The following FBXW4 variants were observed in gnomAD, a reference collection of about 807,000 sequenced individuals.
FBXW4 encodes F-box and WD repeat domain containing 4, also known as F-box/WD repeat-containing protein 4.
FBXW4 carries 40 observed loss-of-function variants against 61.8 expected under a neutral mutation model. The ratio of observed to expected loss-of-function variants is 0.65; its 90% CI spans 0.50 to 0.84. The LOEUF is 0.84. Ranked by LOEUF, FBXW4 falls within the 40% of genes least tolerant of loss-of-function variation. FBXW4 has a pLI of 0.00. For synonymous variants in FBXW4, 311 were observed against 313.8 expected (o/e 0.99, Z 0.10); for missense variants, 672 against 753.8 (o/e 0.89, Z 1.27).
Position 101,694,646 on chromosome 10 carries a change from C to A in FBXW4, c.460G>T (p.Val154Leu), listed in dbSNP as rs1165150216. ...QAWADIAGTG[V>L]AMAAAAGEEE... is the part of the protein sequence containing the mutation. The stretch of plus-strand genomic sequence containing the variant: ...TCCCCGGCCGCCGCCGCCATGGCCA[C>A]CCCTGTCCCCGCGATGTCGGCCCAA... The change falls in exon 1 of 9, where the codon GTG (valine) becomes TTG (leucine). Residue 154 changes from valine to leucine, a missense_variant. Transcript: ENST00000331272. The surrounding 1 kb of genome is among the most constrained non-coding windows in gnomAD (Gnocchi z 6.0). The A allele has an allele frequency of 1.4e-6, 2 of 1,416,176 alleles. No homozygotes were observed. Among genetic ancestry groups the A allele is most frequent in the South Asian group, 3.1e-5 (2 of 65,556 alleles). 87.7% of individuals were successfully genotyped at this position (1,416,176 alleles called of 1,614,324 possible). A position where few individuals can be genotyped will look rare whatever the true frequency, so the allele number is the denominator to read the frequency against.
intron 6 of FBXW4, among the ~76,000 whole-genome samples, chr10:101,617,947 C>T (rs1349499542): frequency 6.6e-6 from 1 of 152,194 alleles, no homozygotes; most frequent in African/African-American, 2.4e-5. Flanking sequence ...AAGGGAGGTA[C>T]TTTAAAGAGG....
chr10:101,622,320 T>A (rs1167610573), intron 6 of FBXW4, among the ~76,000 whole-genome samples: 1 of 152,140 alleles, frequency 6.6e-6, no homozygotes, highest in Non-Finnish European at 1.5e-5. Context: ...TAGGGCAAGG[T>A]GAAGAGTTCT....
chr10:101,658,540 G>A (rs191010411), intron 5 of FBXW4, among the ~76,000 whole-genome samples: 4 of 152,272 alleles, frequency 2.6e-5, no homozygotes, highest in South Asian at 2.1e-4. Context: ...GCAAGACTTC[G>A]TCTGGGTGGC....
At chr10:101,676,033 T>C (rs1168010854) in intron 2 of FBXW4, among the ~76,000 whole-genome samples, 1 of 152,260 alleles carries the variant, frequency 6.6e-6, no homozygotes, top group Non-Finnish European at 1.5e-5. Context: ...AGGTTACCTC[T>C]GAGTGGTGGA....
At chr10:101,625,193 C>A in intron 5 of FBXW4, 1 of 231,758 alleles carries the variant, frequency 4.3e-6, no homozygotes, top group South Asian at 6.4e-5. Flanking sequence ...GAAAAGGGCT[C>A]CAGGGAACAG....
At chr10:101,635,431 C>A (rs893932675) in intron 5 of FBXW4, among the ~76,000 whole-genome samples, 1 of 150,742 alleles carries the variant, frequency 6.6e-6, no homozygotes, top group South Asian at 2.1e-4. Flanking sequence ...CTCCCACCCC[C>A]GAGGCTATGG....
At chr10:101,649,511 G>T (rs1026352662) in intron 5 of FBXW4, among the ~76,000 whole-genome samples, 1 of 152,236 alleles carries the variant, frequency 6.6e-6, no homozygotes, top group Non-Finnish European at 1.5e-5. Context: ...AAAAAGGAGG[G>T]GTGGGTATTG....
chr10:101,673,122 C>G, intron 3 of FBXW4, 75 bp from the exon 4 acceptor site: 1 of 1,544,702 alleles, frequency 6.5e-7, no homozygotes. Flanking sequence ...TCTCCAGAAA[C>G]AGCCCAAGTC....
Position 101,624,725 on chromosome 10 carries a change from T to G in FBXW4, c.1301+20A>C. ...TCACCTCCTGGACTGGAAGCCAGCA[T>G]GGGCTCATGAATCTCTTACCTGTTG... On this transcript the variant is annotated intron_variant, in intron 6 of 8. Coordinates refer to ENST00000331272, the MANE Select transcript of FBXW4 (RefSeq NM_022039.4). 6.2e-7 allele frequency: 1 copy of G among 1,613,980 alleles called. No individual in the cohort carries two copies. The highest frequency in any genetic ancestry group is 8.5e-7 in the Non-Finnish European group (1 of 1,179,826).
intron 5 of FBXW4, among the ~76,000 whole-genome samples, chr10:101,638,173 G>T (rs1411805792): frequency 6.6e-6 from 1 of 152,190 alleles, no homozygotes; most frequent in Non-Finnish European, 1.5e-5. Context: ...CCAAAGGACT[G>T]TTTGTAACAG....
intron 6 of FBXW4, among the ~76,000 whole-genome samples, chr10:101,613,343 G>A (rs188388878): frequency 2.3e-4 from 35 of 152,354 alleles, no homozygotes; most frequent in Non-Finnish European, 3.1e-4. Context: ...CTGCAGCCAG[G>A]GGATGGGTGC....
intron 5 of FBXW4, among the ~76,000 whole-genome samples, chr10:101,640,822 C>T (rs1387129877): frequency 6.8e-6 from 1 of 146,156 alleles, no homozygotes; most frequent in Non-Finnish European, 1.5e-5. Context: ...AACCTAGACT[C>T]TTCCTTCCCC....
At chr10:101,650,192 C>G (rs1404355724) in intron 5 of FBXW4, among the ~76,000 whole-genome samples, 1 of 152,192 alleles carries the variant, frequency 6.6e-6, no homozygotes, top group Non-Finnish European at 1.5e-5. Context: ...CTTGGTGGCT[C>G]TACCTGTGAC....
intron 2 of FBXW4, 70 bp from the exon 3 acceptor site, chr10:101,673,743 A>C: frequency 6.9e-7 from 1 of 1,450,052 alleles, no homozygotes. Context: ...CAATCTTTGA[A>C]GAAGCTGACC....
chr10:101,611,252 C>T lies in FBXW4; in HGVS notation c.*39G>A. 6.2e-7 allele frequency: 1 copy of T among 1,602,966 alleles called. No individual in the cohort carries two copies. The highest frequency in any genetic ancestry group is 8.5e-7 in the Non-Finnish European group (1 of 1,175,100). On this transcript the variant is annotated 3_prime_UTR_variant, in exon 9 of 9. Transcript: ENST00000331272. This position sits in a 1 kb window ranked among gnomAD's most constrained non-coding sequence, Gnocchi z 4.9. ...CCAGGCAAGAGAAGTCCCTGAGTAG[C>T]TGGTTTCCCTGGCCCAGAGGCAGGG...
At position 101,611,320 on chromosome 10, in the gene FBXW4, G is replaced by A. The variant is rs142121812; in HGVS notation, c.1675C>T (p.Leu559Phe). ...GGGTTTTGAAAATCCAGGACGTGGAGGTTGTAAGACAGGGCAGCATAGAGA... is the reference window on the plus strand; with the variant it reads ...GGGTTTTGAAAATCCAGGACGTGGAAGTTGTAAGACAGGGCAGCATAGAGA... ...KHLYAALSYN[L>F]HVLDFQNP is the part of the protein sequence containing the mutation. The change falls in exon 9 of 9, where the codon CTC becomes TTC. Residue 559 changes from leucine (L) to phenylalanine (F), a missense_variant. Around this residue, in one of 5 missense-constraint regions of FBXW4, gnomAD observed 312 missense variants for 370.1 expected, o/e 0.84. Coordinates refer to ENST00000331272, the MANE Select transcript of FBXW4 (RefSeq NM_022039.4). The surrounding 1 kb of genome is among the most constrained non-coding windows in gnomAD (Gnocchi z 4.9). 2.9e-5 allele frequency: 47 copies of A among 1,614,032 alleles called. No individual in the cohort carries two copies. Among genetic ancestry groups the A allele is most frequent in the Non-Finnish European group, 3.8e-5 (45 of 1,180,028 alleles).
chr10:101,678,933 GA>G (rs2064444927), intron 1 of FBXW4, among the ~76,000 whole-genome samples: 1 of 144,378 alleles, frequency 6.9e-6, no homozygotes, highest in Non-Finnish European at 1.5e-5. Context: ...TATTCATATA[GA>G]ATAATTATTT....
intron 5 of FBXW4, among the ~76,000 whole-genome samples, chr10:101,654,083 T>A (rs1213532478): frequency 7.6e-6 from 1 of 131,572 alleles, no homozygotes; most frequent in Non-Finnish European, 1.5e-5. Flanking sequence ...ATTGCACCAC[T>A]GCACTCCAGA....
Position 101,611,817 on chromosome 10 carries a change from C to T in FBXW4, c.1443-48G>A, listed in dbSNP as rs766802705. 8 of 1,584,784 alleles carry T rather than the reference C, an allele frequency of 5.0e-6. No homozygotes were observed. Among genetic ancestry groups the T allele is most frequent in the Non-Finnish European group, 6.9e-6 (8 of 1,162,736 alleles). On this transcript the variant is annotated intron_variant, in intron 7 of 8. Transcript: ENST00000331272. The surrounding 1 kb of genome is among the most constrained non-coding windows in gnomAD (Gnocchi z 4.9). ...GAGGGAGGTTTAGGGTACCCTCCAC[C>T]TCTACCCCAGCTTTCTTGGGCCTAG...
Sources: gnomAD v4.1 joint callset for allele counts (sites outside exome capture counted in the v4.1 genomes callset) on GRCh38, gnomAD v4.1.1 for gene constraint, gnomAD v4.1.1 regional missense constraint, Gnocchi (gnomAD v3.1) non-coding constraint, MANE v1.5 for transcripts, NCBI Gene and HGNC (gene_info 2026-07-23, HGNC 2026-07-21) for gene names.